Variants in CTNND2 observed in about 807,000 individuals in gnomAD.
CTNND2 encodes catenin delta-2.
In CTNND2, 22 loss-of-function variants were observed where a neutral mutation model predicts 144.4. The observed-to-expected ratio is 0.15, with a 90% confidence interval of 0.11 to 0.22. The LOEUF (loss-of-function observed/expected upper bound fraction) is 0.22, where lower values mean the gene tolerates loss of function less well. Ranked by LOEUF, CTNND2 falls within the 10% of genes least tolerant of loss-of-function variation. CTNND2 has a pLI of 1.00. For missense variants in CTNND2, 1,353 were observed against 1,618.8 expected (o/e 0.84, Z 2.82); for synonymous variants, 751 against 695.6 (o/e 1.08, Z -1.25).
At position 11,385,150 on chromosome 5, in the gene CTNND2, G is replaced by C. The variant is rs1368645990; in HGVS notation, c.692C>G (p.Ala231Gly). The C allele has an allele frequency of 3.0e-6, 3 of 1,006,018 alleles. No homozygotes were observed. Among genetic ancestry groups the C allele is most frequent in the East Asian group, 1.0e-4 (1 of 9,670 alleles). 62.3% of individuals were successfully genotyped at this position (1,006,018 alleles called of 1,614,324 possible). A position where few individuals can be genotyped will look rare whatever the true frequency, so the allele number is the denominator to read the frequency against. The change falls in exon 7 of 22, where the codon GCG (alanine) becomes GGG (glycine). Residue 231 changes from alanine (A) to glycine (G), a missense_variant. Physicochemically the swap from Ala to Gly is moderately conservative, Grantham distance 60 (BLOSUM62 0). This residue lies in a region of CTNND2 where 708 missense variants were observed against 706.4 expected (regional missense o/e 1.00). Transcript: ENST00000304623. ...PPPPPPREPF[A>G]PSLGSAFHLP... The stretch of plus-strand genomic sequence containing the variant: ...GTGGAAGGCGCTGCCCAGGCTGGGC[G>C]CGAACGGCTCCCGCGGCGGCGGCGG...
intron 3 of CTNND2, among the ~76,000 whole-genome samples, 195 bp downstream of exon 3, chr5:11,564,749 G>T (rs1415492082): frequency 6.6e-6 from 1 of 152,150 alleles, no homozygotes; most frequent in Non-Finnish European, 1.5e-5. Context: ...CATTAATTTT[G>T]TTAAAAGAGT....
chr5:11,401,949 T>G (rs898893309), intron 5 of CTNND2, among the ~76,000 whole-genome samples: 1 of 152,196 alleles, frequency 6.6e-6, no homozygotes, highest in Non-Finnish European at 1.5e-5. Flanking sequence ...ATTATCTAAT[T>G]GCATAGCCAC....
intron 3 of CTNND2, among the ~76,000 whole-genome samples, chr5:11,448,326 G>C (rs1765007946): frequency 6.6e-6 from 1 of 150,824 alleles, no homozygotes; most frequent in Non-Finnish European, 1.5e-5. Context: ...TAAAAATTTA[G>C]TTTAAATTAC....
chr5:11,584,426 G>C (rs371434885), intron 2 of CTNND2, among the ~76,000 whole-genome samples: 2 of 135,052 alleles, frequency 1.5e-5, no homozygotes, highest in African/African-American at 5.4e-5. Flanking sequence ...TATTTTTTTT[G>C]GGGGGGGGGA....
In CTNND2 at chr5:11,082,774, C is replaced by T; in HGVS notation, c.2710G>A (p.Asp904Asn). The change falls in exon 16 of 22, where the codon GAC becomes AAC. Residue 904 changes from aspartate to asparagine, a missense_variant. Around this residue, in one of 4 missense-constraint regions of CTNND2, gnomAD observed 459 missense variants for 674.3 expected, o/e 0.68. Transcript: ENST00000304623. ...LPILVELLRI[D>N]NDRVVCAVAT... is the part of the protein sequence containing the mutation. ...ACCGCGCACACCACACGGTCATTGTCTATTCGGAGCAGCTCCACGAGGATG... is the reference window on the plus strand; with the variant it reads ...ACCGCGCACACCACACGGTCATTGTTTATTCGGAGCAGCTCCACGAGGATG... The T allele has an allele frequency of 6.2e-7, 1 of 1,614,220 alleles. No homozygotes were observed. The highest frequency in any genetic ancestry group is 8.5e-7 in the Non-Finnish European group (1 of 1,180,038).
intron 10 of CTNND2, among the ~76,000 whole-genome samples, chr5:11,213,993 T>C (rs1738913140): frequency 6.6e-6 from 1 of 152,170 alleles, no homozygotes; most frequent in Non-Finnish European, 1.5e-5. Context: ...TTAAAGCTTG[T>C]AGCGTTAATT....
At chr5:11,690,577 CA>C (rs1373800712) in intron 2 of CTNND2, among the ~76,000 whole-genome samples, 1 of 149,806 alleles carries the variant, frequency 6.7e-6, no homozygotes. Flanking sequence ...ACTAAAAATA[CA>C]AAAAAAAATT....
chr5:11,018,910 T>C (rs1053928313), intron 17 of CTNND2, among the ~76,000 whole-genome samples: 2 of 152,086 alleles, frequency 1.3e-5, no homozygotes, highest in South Asian at 2.1e-4. Context: ...GGTTTCACCA[T>C]GTTGGTCAGG....
At chr5:11,451,503 T>C (rs942764928) in intron 3 of CTNND2, among the ~76,000 whole-genome samples, 3 of 152,320 alleles carry the variant, frequency 2.0e-5, no homozygotes, top group Admixed American at 2.0e-4. Context: ...TTTGAAATGA[T>C]GTTCAAAGGA....
intron 16 of CTNND2, among the ~76,000 whole-genome samples, chr5:11,052,823 A>G (rs956267648): frequency 2.6e-5 from 4 of 152,062 alleles, no homozygotes; most frequent in African/African-American, 9.7e-5. Context: ...GGCAGCTGCT[A>G]GTTGGCAACA....
chr5:11,672,676 G>C (rs1448794605), intron 2 of CTNND2, among the ~76,000 whole-genome samples: 5 of 152,166 alleles, frequency 3.3e-5, no homozygotes, highest in Non-Finnish European at 5.9e-5. Context: ...CTAGCAGTGA[G>C]AATTTCAAGC....
At chr5:11,445,961 T>C (rs1025660120) in intron 3 of CTNND2, among the ~76,000 whole-genome samples, 3 of 152,204 alleles carry the variant, frequency 2.0e-5, no homozygotes, top group Non-Finnish European at 4.4e-5. Context: ...TAAACCTAGA[T>C]ACAAATTTTT....
chr5:11,183,313 C>G lies in CTNND2; in HGVS notation c.1975+16135G>C, dbSNP rs980976554. 7.2e-5 allele frequency among the ~76,000 whole-genome samples: 11 copies of G among 152,222 alleles called. No individual in the cohort carries two copies. The East Asian group carries it at 7.7e-4, about 11-fold the overall frequency. On this transcript the variant is annotated intron_variant, in intron 11 of 21. Coordinates refer to ENST00000304623, the MANE Select transcript of CTNND2 (RefSeq NM_001332.4). ...TCTATCTCCTGTTAATTTAACGAAG[C>G]CTTAGGAAGTCTCCTGAAAAAGGCA...
chr5:11,775,740 G>A (rs944413822), intron 1 of CTNND2, among the ~76,000 whole-genome samples: 12 of 152,160 alleles, frequency 7.9e-5, no homozygotes, highest in African/African-American at 2.2e-4. Flanking sequence ...GCCTTGGGGC[G>A]CTGGGAGGAA....
At chr5:11,656,261 C>T (rs1782907334) in intron 2 of CTNND2, among the ~76,000 whole-genome samples, 1 of 151,968 alleles carries the variant, frequency 6.6e-6, no homozygotes, top group Non-Finnish European at 1.5e-5. Flanking sequence ...TTTTATGTCT[C>T]TCCTCTTTAA....
At chr5:11,287,447 C>A (rs952618977) in intron 9 of CTNND2, among the ~76,000 whole-genome samples, 1 of 152,170 alleles carries the variant, frequency 6.6e-6, no homozygotes, top group Non-Finnish European at 1.5e-5. Flanking sequence ...TAAAATAAAT[C>A]TCTCTCTTTT....
Position 11,385,068 on chromosome 5 carries a change from C to G in CTNND2, c.774G>C (p.Thr258=). 3.7e-6 allele frequency: 4 copies of G among 1,086,756 alleles called. No homozygotes were observed. In the South Asian group the frequency reaches 1.7e-4, roughly 46 times the overall value. 67.3% of individuals were successfully genotyped at this position (1,086,756 alleles called of 1,614,324 possible). A position where few individuals can be genotyped will look rare whatever the true frequency, so the allele number is the denominator to read the frequency against. ...AAAALYYSSS[T]LPAPPRGGSP... is the part of the protein sequence containing the mutation. ...AGCCCCCGCGCGGCGGCGCGGGCAG[C>G]GTGGAGCTGGAGTAGTAGAGCGCGG... Residue 258 remains threonine (T), a synonymous_variant, in exon 7 of 22, where the codon ACG becomes ACC. Transcript: ENST00000304623.
intron 9 of CTNND2, among the ~76,000 whole-genome samples, chr5:11,335,541 GATTA>G (rs1252719369): frequency 6.6e-6 from 1 of 152,110 alleles, no homozygotes; most frequent in African/African-American, 2.4e-5. Context: ...TTTGAGGATG[GATTA>G]ATTGAGATAT....
chr5:11,089,365 T>C (rs982752370), intron 15 of CTNND2, among the ~76,000 whole-genome samples: 5 of 152,216 alleles, frequency 3.3e-5, no homozygotes, highest in African/African-American at 1.2e-4. Context: ...CTCCACTTCA[T>C]TGCAAAAACA....
Sources: allele counts gnomAD v4.1 joint callset (sites outside exome capture counted in the v4.1 genomes callset), GRCh38; gene constraint gnomAD v4.1.1; regional missense constraint gnomAD v4.1.1; transcripts MANE v1.5; gene names NCBI Gene and HGNC (gene_info 2026-07-23, HGNC 2026-07-21).